Variants in OSBPL8 observed in about 807,000 individuals in gnomAD.
The protein encoded by OSBPL8 is oxysterol-binding protein-related protein 8.
A neutral mutation model predicts 125.5 loss-of-function variants in OSBPL8; 59 were observed. That is an observed-to-expected ratio of 0.47 (90% CI 0.38 to 0.58). OSBPL8 has a LOEUF of 0.58. Ranked by LOEUF, OSBPL8 falls within the 20% of genes least tolerant of loss-of-function variation. OSBPL8 has a pLI of 0.00. For missense variants in OSBPL8, 758 were observed against 1,047.8 expected (o/e 0.72, Z 3.82); for synonymous variants, 330 against 338.9 (o/e 0.97, Z 0.29).
In OSBPL8 at chr12:76,557,611, T is replaced by TAA. The variant is rs35658174; in HGVS notation, c.-68+1784_-68+1785dup. Among the ~76,000 whole-genome samples, 13 of 136,418 alleles carry TAA rather than the reference T, an allele frequency of 9.5e-5. 1 individual carries two copies. Among genetic ancestry groups the TAA allele is most frequent in the African/African-American group, 3.6e-4 (13 of 36,432 alleles). 89.5% of individuals were successfully genotyped at this position (136,418 alleles called of 152,430 possible). ...CCTGGGATACAGAGTGAGACAGTCT[T>TAA]AAAAAAAAAAAAAAAAAAAATCCTT... On this transcript the variant is annotated intron_variant, in intron 1 of 23. Transcript: ENST00000261183.
chr12:76,467,029 G>A (rs2087667089), intron 2 of OSBPL8, among the ~76,000 whole-genome samples: 1 of 152,002 alleles, frequency 6.6e-6, no homozygotes, highest in African/African-American at 2.4e-5. Context: ...GCCAACCTGT[G>A]GAGTCCTCTC....
intron 1 of OSBPL8, among the ~76,000 whole-genome samples, chr12:76,529,851 A>T (rs1335869018): frequency 2.6e-5 from 4 of 152,220 alleles, no homozygotes; most frequent in Middle Eastern, 3.2e-3. Context: ...ACACATTACT[A>T]GTTGCTTTAA....
At chr12:76,417,150 T>G (rs188291393) in intron 4 of OSBPL8, among the ~76,000 whole-genome samples, 2 of 152,322 alleles carry the variant, frequency 1.3e-5, no homozygotes, top group African/African-American at 4.8e-5. Flanking sequence ...GCATTAAATT[T>G]GCCCATATAG....
chr12:76,365,838 A>G (rs996832070), intron 21 of OSBPL8, among the ~76,000 whole-genome samples: 1 of 152,150 alleles, frequency 6.6e-6, no homozygotes, highest in Non-Finnish European at 1.5e-5. Context: ...TGCCTTTTCT[A>G]TGCCAATTGA....
At chr12:76,427,030 G>T (rs1223312635) in intron 4 of OSBPL8, among the ~76,000 whole-genome samples, 1 of 152,038 alleles carries the variant, frequency 6.6e-6, no homozygotes, top group African/African-American at 2.4e-5. Context: ...AAATAAGAAG[G>T]CCATCTTTCC....
chr12:76,519,624 AAT>A (rs1881876524), intron 1 of OSBPL8, among the ~76,000 whole-genome samples: 1 of 152,118 alleles, frequency 6.6e-6, no homozygotes, highest in East Asian at 1.9e-4. Context: ...TTATAAAGAA[AAT>A]ATGTTTATTT....
At chr12:76,552,195 C>A (rs1010509727) in intron 1 of OSBPL8, among the ~76,000 whole-genome samples, 1 of 151,882 alleles carries the variant, frequency 6.6e-6, no homozygotes, top group Non-Finnish European at 1.5e-5. Flanking sequence ...GAGGCTGAGG[C>A]GGGCAGATCG....
chr12:76,356,620 T>C lies in OSBPL8; in HGVS notation c.2537+6A>G, dbSNP rs769384863. On this transcript the variant is annotated splice_donor_region_variant and intron_variant, in intron 23 of 23. Transcript: ENST00000261183. The stretch of plus-strand genomic sequence containing the variant: ...AAATGAATAGTCAGTGTCATTATAT[T>C]ATTACCTTTTAATTTCTTCCTGTGT... 5.8e-6 allele frequency: 9 copies of C among 1,556,470 alleles called. No homozygotes were observed. The highest frequency in any genetic ancestry group is 8.0e-6 in the Non-Finnish European group (9 of 1,130,126).
chr12:76,438,207 C>T (rs1052146402), intron 4 of OSBPL8, among the ~76,000 whole-genome samples: 3 of 151,776 alleles, frequency 2.0e-5, no homozygotes, highest in Admixed American at 6.6e-5. Context: ...AGGATGGTCT[C>T]GATCTCCTGA....
At chr12:76,488,682 T>A (rs1239236338) in intron 1 of OSBPL8, among the ~76,000 whole-genome samples, 1 of 152,168 alleles carries the variant, frequency 6.6e-6, no homozygotes, top group South Asian at 2.1e-4. Context: ...CTGATAAATG[T>A]AGGAGGTTTT....
intron 1 of OSBPL8, among the ~76,000 whole-genome samples, chr12:76,528,672 T>TCACACA (rs140199626): frequency 6.7e-6 from 1 of 149,938 alleles, no homozygotes; most frequent in Non-Finnish European, 1.5e-5. Flanking sequence ...TGTAACAGAA[T>TCACACA]CACACACACA....
intron 3 of OSBPL8, among the ~76,000 whole-genome samples, chr12:76,455,620 C>G (rs1397167624): frequency 6.6e-6 from 1 of 152,096 alleles, no homozygotes; most frequent in Non-Finnish European, 1.5e-5. Context: ...CAGAGTGCAC[C>G]TCTTTACCAA....
At chr12:76,465,865 G>C (rs1486675794) in intron 2 of OSBPL8, among the ~76,000 whole-genome samples, 1 of 151,952 alleles carries the variant, frequency 6.6e-6, no homozygotes. Flanking sequence ...AATTAGCTGG[G>C]TGTGGTGGTA....
intron 15 of OSBPL8, among the ~76,000 whole-genome samples, chr12:76,381,999 T>C (rs567988363): frequency 5.9e-5 from 9 of 152,300 alleles, no homozygotes; most frequent in African/African-American, 2.2e-4. Context: ...TCTCCCAAAG[T>C]GCTGGGATTA....
chr12:76,357,473 C>T (rs2136122513), intron 22 of OSBPL8, among the ~76,000 whole-genome samples: 1 of 152,288 alleles, frequency 6.6e-6, no homozygotes, highest in Admixed American at 6.5e-5. Context: ...TGACCTTAGG[C>T]AGGTTAACTT....
At chr12:76,387,638 A>G (rs1374477164) in intron 12 of OSBPL8, among the ~76,000 whole-genome samples, 2 of 152,264 alleles carry the variant, frequency 1.3e-5, no homozygotes, top group South Asian at 2.1e-4. Context: ...TTATTTACAA[A>G]AAGGCATTTA....
At chr12:76,539,693 G>A (rs1036453917) in intron 1 of OSBPL8, among the ~76,000 whole-genome samples, 11 of 152,238 alleles carry the variant, frequency 7.2e-5, no homozygotes, top group East Asian at 1.9e-4. Flanking sequence ...ATAATCTCAC[G>A]ATAAAAAGCC....
chr12:76,381,525 T>C (rs764354814), intron 15 of OSBPL8, among the ~76,000 whole-genome samples: 4 of 152,202 alleles, frequency 2.6e-5, no homozygotes, highest in Non-Finnish European at 5.9e-5. Flanking sequence ...TTTTGCTTCA[T>C]TGAAGTTCTG....
At chr12:76,511,399 C>T (rs1345561357) in intron 1 of OSBPL8, among the ~76,000 whole-genome samples, 2 of 152,138 alleles carry the variant, frequency 1.3e-5, no homozygotes, top group Admixed American at 6.5e-5. Context: ...AACCTCAGCA[C>T]CTGTTATTTT....
Sources: allele counts gnomAD v4.1 joint callset (sites outside exome capture counted in the v4.1 genomes callset), GRCh38; gene constraint gnomAD v4.1.1; transcripts MANE v1.5; gene names NCBI Gene and HGNC (gene_info 2026-07-23, HGNC 2026-07-21).